LRRFIP2: variants seen among roughly 807,000 people sequenced by gnomAD.
LRRFIP2 encodes LRR binding FLII interacting protein 2, also known as leucine-rich repeat flightless-interacting protein 2.
In LRRFIP2, 109 loss-of-function variants were observed where a neutral mutation model predicts 125.9. That is an observed-to-expected ratio of 0.87 (90% CI 0.74 to 1.01). LRRFIP2 has a LOEUF of 1.01. Among genes scored for constraint, LRRFIP2 ranks in the 50% least tolerant of loss-of-function variants. The pLI, the probability that LRRFIP2 is intolerant of heterozygous loss-of-function variation, is 0.00. For synonymous variants in LRRFIP2, 291 were observed against 293.1 expected (o/e 0.99, Z 0.07); for missense variants, 850 against 862.3 (o/e 0.99, Z 0.18).
intron 18 of LRRFIP2, among the ~76,000 whole-genome samples, chr3:37,087,008 C>T (rs773899710): frequency 2.0e-5 from 3 of 151,978 alleles, no homozygotes; most frequent in Admixed American, 6.6e-5. Flanking sequence ...ACCACAGGCA[C>T]GTACTACCAC....
At chr3:37,153,533 T>C (rs959449851) in intron 1 of LRRFIP2, among the ~76,000 whole-genome samples, 1 of 152,240 alleles carries the variant, frequency 6.6e-6, no homozygotes, top group South Asian at 2.1e-4. Context: ...TTCTTTTGAA[T>C]GTACTTCTTT....
chr3:37,055,543 C>T (rs1194906852), intron 25 of LRRFIP2, among the ~76,000 whole-genome samples: 1 of 151,944 alleles, frequency 6.6e-6, no homozygotes, highest in Non-Finnish European at 1.5e-5. Flanking sequence ...TCCAGCCTGG[C>T]AACAGAGCGA....
chr3:37,169,966 G>A (rs936186152), intron 1 of LRRFIP2, among the ~76,000 whole-genome samples: 7 of 151,120 alleles, frequency 4.6e-5, no homozygotes, highest in East Asian at 1.9e-4. Flanking sequence ...TTTTTTTCCC[G>A]AGGAGGAAAG....
At position 37,091,523 on chromosome 3, in the gene LRRFIP2, T is replaced by C; in HGVS notation, c.1051A>G (p.Lys351Glu). 3 of 1,610,474 alleles carry C rather than the reference T, an allele frequency of 1.9e-6. No individual in the cohort carries two copies. The highest frequency in any genetic ancestry group is 2.5e-6 in the Non-Finnish European group (3 of 1,178,354). ...CCTTCTACATCCTGTATCTGGTCCT[T>C]AAGGTCATAGATATCCTGCAGGACA... is the stretch of plus-strand genomic sequence containing the variant. ...LSELRDIYDL[K>E]DQIQDVEGRY... The change falls in exon 18 of 28, where the codon AAG becomes GAG. Residue 351 changes from lysine to glutamate, a missense_variant. Physicochemically the swap from Lys to Glu is moderately conservative, Grantham distance 56. Coordinates refer to ENST00000336686, the MANE Select transcript of LRRFIP2 (RefSeq NM_006309.4).
chr3:37,118,563 A>C (rs1477334795), intron 6 of LRRFIP2, among the ~76,000 whole-genome samples: 1 of 152,208 alleles, frequency 6.6e-6, no homozygotes, highest in African/African-American at 2.4e-5. Flanking sequence ...TACCATTCAC[A>C]GTCTTGAACT....
chr3:37,154,461 A>T (rs1000037309), intron 1 of LRRFIP2, among the ~76,000 whole-genome samples: 1 of 152,232 alleles, frequency 6.6e-6, no homozygotes, highest in Non-Finnish European at 1.5e-5. Flanking sequence ...AACTCCTTCC[A>T]GTGTTTCCTT....
At chr3:37,072,944 G>T in intron 20 of LRRFIP2, 62 bp from the exon 21 acceptor site, 2 of 1,084,536 alleles carry the variant, frequency 1.8e-6, no homozygotes, top group South Asian at 1.4e-5. Context: ...GAGGAGGTTT[G>T]AGGGAGGAAA....
chr3:37,156,249 G>A (rs577580780), intron 1 of LRRFIP2, among the ~76,000 whole-genome samples: 1 of 152,228 alleles, frequency 6.6e-6, no homozygotes, highest in South Asian at 2.1e-4. Context: ...CGAGGCCGAG[G>A]CAGGCAAGTT....
chr3:37,130,184 G>A (rs765514859), intron 2 of LRRFIP2, among the ~76,000 whole-genome samples: 22 of 152,010 alleles, frequency 1.4e-4, no homozygotes, highest in African/African-American at 2.2e-4. Flanking sequence ...CCATGCATTC[G>A]CCTATTCTGG....
chr3:37,146,979 T>A (rs901482553), intron 2 of LRRFIP2, among the ~76,000 whole-genome samples: 7 of 151,832 alleles, frequency 4.6e-5, no homozygotes, highest in African/African-American at 1.7e-4. Flanking sequence ...GACAAAGGTC[T>A]AATATCCAGA....
intron 15 of LRRFIP2, 126 bp downstream of exon 15, chr3:37,102,798 G>T: frequency 1.5e-6 from 1 of 651,036 alleles, no homozygotes; most frequent in Non-Finnish European, 2.5e-6. Context: ...CACCATGCCC[G>T]GCCCAAACAA....
chr3:37,055,495 G>C (rs1350973564), intron 25 of LRRFIP2, among the ~76,000 whole-genome samples: 1 of 152,158 alleles, frequency 6.6e-6, no homozygotes, highest in Non-Finnish European at 1.5e-5. Context: ...GAACCCGGGA[G>C]GCAGAGGTTG....
intron 18 of LRRFIP2, among the ~76,000 whole-genome samples, chr3:37,088,078 T>G (rs965760936): frequency 2.6e-5 from 4 of 152,208 alleles, no homozygotes; most frequent in Non-Finnish European, 5.9e-5. Context: ...CACACCAAAG[T>G]GCTGAAGCCA....
chr3:37,103,019 G>A lies in LRRFIP2; in HGVS notation c.784-6C>T, dbSNP rs985351592. 1.0e-5 allele frequency: 16 copies of A among 1,547,172 alleles called. No homozygotes were observed. The highest frequency in any genetic ancestry group is 4.8e-5 in the South Asian group (4 of 82,968). ...AAATAATCAGCGGCAGATACCTTTC[G>A]GTCAGAAAAAAAACAAGATGCTTTC... On this transcript the variant is annotated splice_polypyrimidine_tract_variant and splice_region_variant and intron_variant, in intron 14 of 27. Coordinates refer to ENST00000336686, the MANE Select transcript of LRRFIP2 (RefSeq NM_006309.4).
rs1473690215 is a variant in LRRFIP2 at position 37,083,716 on chromosome 3, C to G, written c.1198G>C (p.Val400Leu). The G allele has an allele frequency of 3.1e-6, 5 of 1,599,956 alleles. No individual in the cohort carries two copies. The highest frequency in any genetic ancestry group is 1.8e-5 in the Admixed American group (1 of 56,992). ...TCAATAACATCCTTGAGTGTGTCTACTTGGTAGATCAAATTGTTCTTCTCA... is the reference window on the plus strand; with the variant it reads ...TCAATAACATCCTTGAGTGTGTCTAGTTGGTAGATCAAATTGTTCTTCTCA... ...DNEKNNLIYQ[V>L]DTLKDVIEEQ... is the part of the protein sequence containing the mutation. Residue 400 changes from valine to leucine, a missense_variant, in exon 19 of 28, where the codon GTA becomes CTA. Transcript: ENST00000336686.
At chr3:37,092,256 T>G (rs2093484746) in intron 17 of LRRFIP2, among the ~76,000 whole-genome samples, 1 of 152,264 alleles carries the variant, frequency 6.6e-6, no homozygotes, top group African/African-American at 2.4e-5. Context: ...ATATAAGGTC[T>G]ATTCTGAATG....
At chr3:37,163,856 G>A (rs145058654) in intron 1 of LRRFIP2, among the ~76,000 whole-genome samples, 126 of 152,250 alleles carry the variant, frequency 8.3e-4, no homozygotes, top group African/African-American at 2.7e-3. Context: ...TGGAAGGGAG[G>A]GGGTGCCATT....
chr3:37,102,615 C>G (rs1017091677), intron 15 of LRRFIP2, among the ~76,000 whole-genome samples: 1 of 151,074 alleles, frequency 6.6e-6, no homozygotes, highest in Non-Finnish European at 1.5e-5. Flanking sequence ...ATTCCTGCCT[C>G]AGCCTCCAGA....
At chr3:37,148,795 A>G (rs1030827377) in intron 2 of LRRFIP2, 99 bp downstream of exon 2, 1 of 1,292,408 alleles carries the variant, frequency 7.7e-7, no homozygotes, top group Non-Finnish European at 1.1e-6. Context: ...TAAACATCTG[A>G]AACTAGTTCA....
Sources: gnomAD v4.1 joint callset for allele counts (sites outside exome capture counted in the v4.1 genomes callset) on GRCh38, gnomAD v4.1.1 for gene constraint, MANE v1.5 for transcripts, NCBI Gene and HGNC (gene_info 2026-07-23, HGNC 2026-07-21) for gene names.